The following GRID1 variants were observed in gnomAD, a reference collection of about 807,000 sequenced individuals.
GRID1 encodes the protein glutamate ionotropic receptor delta type subunit 1, also known as glutamate receptor ionotropic, delta-1.
Under a neutral mutation model 98.0 loss-of-function variants are expected in GRID1, and 28 were observed. The ratio of observed to expected loss-of-function variants is 0.29; its 90% CI spans 0.21 to 0.39. The LOEUF (loss-of-function observed/expected upper bound fraction) is 0.39, where lower values mean the gene tolerates loss of function less well. GRID1 is among the 10% of genes least tolerant of loss of function. GRID1 has a pLI of 1.00. For synonymous variants in GRID1, 553 were observed against 538.5 expected (o/e 1.03, Z -0.37); for missense variants, 1,111 against 1,340.5 (o/e 0.83, Z 2.67).
chr10:85,919,717 A>G (rs1213188721), intron 4 of GRID1, among the ~76,000 whole-genome samples: 1 of 152,212 alleles, frequency 6.6e-6, no homozygotes, highest in Non-Finnish European at 1.5e-5. Context: ...TGAGAACACT[A>G]TAGAGAGTTC....
At chr10:86,299,411 G>A (rs896551936) in intron 2 of GRID1, among the ~76,000 whole-genome samples, 7 of 150,114 alleles carry the variant, frequency 4.7e-5, no homozygotes, top group African/African-American at 1.7e-4. Context: ...GTATACATGT[G>A]CCATGTTGGT....
chr10:85,789,536 C>A (rs1290727136), intron 8 of GRID1, among the ~76,000 whole-genome samples: 2 of 152,164 alleles, frequency 1.3e-5, no homozygotes, highest in African/African-American at 4.8e-5. Flanking sequence ...TGTGCAGTGC[C>A]CAGATCCAAG....
chr10:86,279,258 C>T (rs1847320107), intron 2 of GRID1, among the ~76,000 whole-genome samples: 1 of 152,178 alleles, frequency 6.6e-6, no homozygotes, highest in Admixed American at 6.5e-5. Flanking sequence ...CCTCAGACCT[C>T]CAGCCTCCAG....
chr10:86,127,127 C>A (rs1465319952), intron 4 of GRID1, among the ~76,000 whole-genome samples: 2 of 152,228 alleles, frequency 1.3e-5, no homozygotes, highest in Admixed American at 6.5e-5. Context: ...CCCCTTCCCA[C>A]CCTGCTTCGC....
intron 2 of GRID1, among the ~76,000 whole-genome samples, chr10:86,296,128 A>T (rs1428581537): frequency 6.6e-6 from 1 of 152,232 alleles, no homozygotes; most frequent in Non-Finnish European, 1.5e-5. Flanking sequence ...CCCATCTCCA[A>T]TGTCCCCATA....
intron 12 of GRID1, among the ~76,000 whole-genome samples, chr10:85,707,289 C>CA (rs1220555252): frequency 6.6e-6 from 1 of 152,124 alleles, no homozygotes; most frequent in Non-Finnish European, 1.5e-5. Context: ...ACAATCCCAT[C>CA]AAAAAGTGGG....
chr10:85,926,865 C>T (rs751218506), intron 4 of GRID1, among the ~76,000 whole-genome samples: 2 of 152,148 alleles, frequency 1.3e-5, no homozygotes, highest in Non-Finnish European at 2.9e-5. Context: ...ATCAATTAGA[C>T]AAAATTAGCC....
chr10:86,090,935 AGAGGACC>A (rs1432216111), intron 4 of GRID1, among the ~76,000 whole-genome samples: 1 of 152,178 alleles, frequency 6.6e-6, no homozygotes, highest in African/African-American at 2.4e-5. Flanking sequence ...GAATCAAGTT[AGAGGACC>A]GAGTGAAATA....
chr10:85,819,842 A>C (rs994696064), intron 8 of GRID1, among the ~76,000 whole-genome samples: 1 of 151,942 alleles, frequency 6.6e-6, no homozygotes, highest in Admixed American at 6.6e-5. Flanking sequence ...TGAACCCAGG[A>C]GGTGAAGGTT....
chr10:86,208,032 G>A (rs1403080303), intron 2 of GRID1, among the ~76,000 whole-genome samples: 1 of 152,176 alleles, frequency 6.6e-6, no homozygotes, highest in African/African-American at 2.4e-5. Context: ...TTGGTCAAGA[G>A]CCCTTGGGTT....
chr10:85,850,860 C>T (rs1461223409), intron 8 of GRID1, among the ~76,000 whole-genome samples: 1 of 152,190 alleles, frequency 6.6e-6, no homozygotes, highest in Non-Finnish European at 1.5e-5. Flanking sequence ...TGTGCAAAAA[C>T]TCAGGAGAGG....
intron 2 of GRID1, among the ~76,000 whole-genome samples, chr10:86,266,993 C>A (rs1252257708): frequency 6.6e-6 from 1 of 152,214 alleles, no homozygotes; most frequent in African/African-American, 2.4e-5. Context: ...TAGTGAGGCT[C>A]TCTGTGTGCC....
At position 86,074,414 on chromosome 10, in the gene GRID1, T is replaced by A. The variant is rs1258376944; in HGVS notation, c.726+64405A>T. Among the ~76,000 whole-genome samples, 4 of 152,330 alleles carry A rather than the reference T, an allele frequency of 2.6e-5. No homozygotes were observed. The South Asian group carries it at 8.3e-4, about 32-fold the overall frequency. ...TCATTCCCACATATAAATGAGAACA[T>A]GTGATATTTGCCTTTTTGTGCCCGT... On this transcript the variant is annotated intron_variant, in intron 4 of 15. Transcript: ENST00000327946.
At chr10:85,824,274 C>G (rs978854630) in intron 8 of GRID1, among the ~76,000 whole-genome samples, 1 of 152,220 alleles carries the variant, frequency 6.6e-6, no homozygotes, top group Non-Finnish European at 1.5e-5. Context: ...TGCAGTGGTG[C>G]GATCTTGGCT....
At chr10:85,669,828 C>G (rs1352506329) in intron 12 of GRID1, among the ~76,000 whole-genome samples, 1 of 152,184 alleles carries the variant, frequency 6.6e-6, no homozygotes, top group Non-Finnish European at 1.5e-5. Context: ...ACCAAGTTTA[C>G]TGTTTAACAT....
At chr10:86,292,327 T>C (rs982402989) in intron 2 of GRID1, among the ~76,000 whole-genome samples, 6 of 152,212 alleles carry the variant, frequency 3.9e-5, no homozygotes, top group African/African-American at 1.2e-4. Flanking sequence ...TTTCAGGAGA[T>C]TGTCAGGACT....
intron 8 of GRID1, among the ~76,000 whole-genome samples, chr10:85,829,181 T>A (rs1382750977): frequency 6.6e-6 from 1 of 151,860 alleles, no homozygotes; most frequent in African/African-American, 2.4e-5. Flanking sequence ...ATTCGTCACA[T>A]AAACAGAACT....
chr10:86,189,719 C>T (rs569038801), intron 3 of GRID1, among the ~76,000 whole-genome samples: 1 of 152,262 alleles, frequency 6.6e-6, no homozygotes, highest in East Asian at 1.9e-4. Flanking sequence ...ATCAGCATCC[C>T]TGGCCTCTAC....
intron 12 of GRID1, among the ~76,000 whole-genome samples, chr10:85,674,223 C>G (rs971159101): frequency 6.6e-6 from 1 of 152,130 alleles, no homozygotes; most frequent in African/African-American, 2.4e-5. Context: ...CCAAGAGTTA[C>G]AAAGCTGTGG....
Sources: gnomAD v4.1 joint callset for allele counts (sites outside exome capture counted in the v4.1 genomes callset) on GRCh38, gnomAD v4.1.1 for gene constraint, MANE v1.5 for transcripts, NCBI Gene and HGNC (gene_info 2026-07-23, HGNC 2026-07-21) for gene names.